HNRNPA3: variants seen among roughly 807,000 people sequenced by gnomAD.
HNRNPA3 encodes heterogeneous nuclear ribonucleoprotein A3, also known as epididymis secretory sperm binding protein.
A neutral mutation model predicts 45.8 loss-of-function variants in HNRNPA3; 3 were observed. The observed-to-expected ratio is 0.07, with a 90% CI of 0.03 to 0.17. The LOEUF is 0.17. Ranked by LOEUF, HNRNPA3 falls within the 10% of genes least tolerant of loss-of-function variation. The pLI, the probability that HNRNPA3 is intolerant of heterozygous loss-of-function variation, is 1.00. For missense variants in HNRNPA3, 183 were observed against 480.3 expected, an observed-to-expected ratio of 0.38 and a Z score of 5.79; for synonymous variants, 170 against 155.6, an observed-to-expected ratio of 1.09 and a Z score of -0.69.
downstream of HNRNPA3, chr2:177,220,430 T>C (rs1438111062): frequency 1.9e-5 from 3 of 154,614 alleles, no homozygotes; most frequent in African/African-American, 7.2e-5. Context: ...TTTTTTCTTA[T>C]TTAAAGCACA....
chr2:177,223,726 T>C (rs1689286495), downstream of HNRNPA3: 1 of 152,236 alleles, frequency 6.6e-6, no homozygotes, highest in Non-Finnish European at 1.5e-5. Flanking sequence ...AAAATTACTT[T>C]AAAACTTAAG....
Position 177,215,745 on chromosome 2 carries a change from T to G in HNRNPA3, c.196-5T>G. ...TTCAACGTTATAAAACTTTTTATTT[T>G]GTAGGTAATGAGAGACCCCCAAACA... is the stretch of plus-strand genomic sequence containing the variant. On this transcript the variant is annotated splice_polypyrimidine_tract_variant and splice_region_variant and intron_variant, in intron 2 of 10. Coordinates refer to ENST00000392524, the Ensembl canonical transcript of HNRNPA3. 1 of 1,610,842 alleles carries G rather than the reference T, an allele frequency of 6.2e-7. No individual in the cohort carries two copies. The highest frequency in any genetic ancestry group is 8.5e-7 in the Non-Finnish European group (1 of 1,179,024).
chr2:177,222,790 G>A (rs1432911357), downstream of HNRNPA3: 1 of 152,600 alleles, frequency 6.6e-6, no homozygotes, highest in Admixed American at 6.6e-5. Context: ...AAGAAGAAAA[G>A]TTACCAGATG....
At position 177,212,888 on chromosome 2, in the gene HNRNPA3, G is replaced by C; in HGVS notation, c.72+17G>C. Reference sequence around the variant, plus strand: ...GGGGAGGAGGTATTAGGGGGAGAGCGGGGGGTTGGTGGGGAATGGCCGGCG... The same window carrying C: ...GGGGAGGAGGTATTAGGGGGAGAGCCGGGGGTTGGTGGGGAATGGCCGGCG... On this transcript the variant is annotated intron_variant, in intron 1 of 10. Transcript: ENST00000392524. 7.0e-7 allele frequency: 1 copy of C among 1,435,766 alleles called. No homozygotes were observed. Among genetic ancestry groups the C allele is most frequent in the Admixed American group, 2.2e-5 (1 of 44,836 alleles). 88.9% of individuals were successfully genotyped at this position (1,435,766 alleles called of 1,614,324 possible). A position where few individuals can be genotyped will look rare whatever the true frequency, so the allele number is the denominator to read the frequency against.
chr2:177,221,781 A>C (rs1574248691), downstream of HNRNPA3: 2 of 152,716 alleles, frequency 1.3e-5, no homozygotes, highest in East Asian at 3.8e-4. Flanking sequence ...TCAACTACAG[A>C]GAAGTGAAGG....
downstream of HNRNPA3, chr2:177,223,008 A>C (rs563098746): frequency 6.5e-6 from 1 of 152,784 alleles, no homozygotes; most frequent in Non-Finnish European, 1.5e-5. Flanking sequence ...TTGATGGGTA[A>C]TAAGGGCTGT....
At chr2:177,220,425 T>A (rs1689138206), downstream of HNRNPA3, 1 of 154,582 alleles carries the variant, frequency 6.5e-6, no homozygotes, top group African/African-American at 2.4e-5. Flanking sequence ...ACCTTTTTTT[T>A]CTTATTTAAA....
At chr2:177,216,448 T>C in intron 4 of HNRNPA3, 55 bp from the exon 5 acceptor site, 1 of 1,313,764 alleles carries the variant, frequency 7.6e-7, no homozygotes, top group Non-Finnish European at 1.1e-6. Flanking sequence ...CTCATATATG[T>C]GCTTTTCCAA....
rs13393220 is a variant in HNRNPA3 at position 177,216,761 on chromosome 2, T to C, written c.729T>C (p.Phe243=). ...GTAATTTTGGCCGTGGTGGAAACTTTGGTGGAAGAGGTAGGCTGTTTATCT... is the reference window on the plus strand; with the variant it reads ...GTAATTTTGGCCGTGGTGGAAACTTCGGTGGAAGAGGTAGGCTGTTTATCT... The change falls in exon 6 of 11, where the codon TTT becomes TTC. Residue 243 remains phenylalanine (F), a synonymous_variant. Coordinates refer to ENST00000392524, the Ensembl canonical transcript of HNRNPA3. The C allele has an allele frequency of 6.8e-4, 1,098 of 1,614,182 alleles. 7 individuals are homozygous for C. The African/African-American group carries it at 0.012, about 18-fold the overall frequency.
intron 3 of HNRNPA3, 21 bp from the exon 4 acceptor site, chr2:177,215,956 TA>T: frequency 6.3e-7 from 1 of 1,598,344 alleles, no homozygotes. Context: ...TTTCTTGACT[TA>T]ATATATTACT....
chr2:177,223,432 CAGATTTA>C (rs1370480450), downstream of HNRNPA3: 4 of 151,898 alleles, frequency 2.6e-5, no homozygotes, highest in Non-Finnish European at 5.9e-5. Context: ...GTGATTGGGG[CAGATTTA>C]ACTGATTTTG....
Position 177,217,626 on chromosome 2 carries a change from CTT to C in HNRNPA3, c.821-78_821-77del. The C allele has an allele frequency of 2.6e-6, 4 of 1,566,712 alleles. No individual in the cohort carries two copies. The South Asian group carries it at 4.4e-5, about 17-fold the overall frequency. The stretch of plus-strand genomic sequence containing the variant: ...CGGGCAACAGAGCAAGACCCAGTCT[CTT>C]ACACACACACCAGAATTGAATAACG... On this transcript the variant is annotated intron_variant, in intron 7 of 10. Coordinates refer to ENST00000392524, the Ensembl canonical transcript of HNRNPA3.
chr2:177,216,972 T>C lies in HNRNPA3; in HGVS notation c.820+32T>C, dbSNP rs745941963. The C allele has an allele frequency of 2.8e-6, 4 of 1,452,556 alleles. No individual in the cohort carries two copies. The South Asian group carries it at 5.3e-5, about 19-fold the overall frequency. 90.0% of individuals were successfully genotyped at this position (1,452,556 alleles called of 1,614,324 possible). On this transcript the variant is annotated intron_variant, in intron 7 of 10. Transcript: ENST00000392524. ...GGCTTATTTTCATTGATGTTTGATATTTTAACTTTCTTTACTTATTGAAAA... is the reference window on the plus strand; with the variant it reads ...GGCTTATTTTCATTGATGTTTGATACTTTAACTTTCTTTACTTATTGAAAA...
At chr2:177,218,953 C>T in intron 8 of HNRNPA3, 84 bp from the exon 9 acceptor site, 6 of 1,525,828 alleles carry the variant, frequency 3.9e-6, no homozygotes, top group Non-Finnish European at 5.4e-6. Context: ...TACCATAATT[C>T]TCAAAAGATA....
chr2:177,222,921 C>G (rs1018157177), downstream of HNRNPA3: 2 of 152,568 alleles, frequency 1.3e-5, no homozygotes, highest in Non-Finnish European at 2.9e-5. Flanking sequence ...ATCTGTTAAG[C>G]AGTGGGGGCC....
downstream of HNRNPA3, chr2:177,223,396 G>T (rs1434081575): frequency 1.3e-5 from 2 of 149,258 alleles, no homozygotes; most frequent in African/African-American, 2.5e-5. Flanking sequence ...TGTAGCAGCA[G>T]TAAAAAAAAA....
At chr2:177,217,750 ATGG>A in exon 8 of HNRNPA3, 1 of 1,613,180 alleles carries the variant, frequency 6.2e-7, no homozygotes, top group Non-Finnish European at 8.5e-7. Flanking sequence ...AGAGGGGGCT[ATGG>A]TGGTGGTGGA....
At chr2:177,216,641 A>G (rs1688950618) in intron 5 of HNRNPA3, 35 bp from the exon 6 acceptor site, 1 of 1,613,116 alleles carries the variant, frequency 6.2e-7, no homozygotes, top group Non-Finnish European at 8.5e-7. Flanking sequence ...TGGTGTTTGT[A>G]AGGTTCTTAA....
chr2:177,219,247 G>A lies in HNRNPA3; in HGVS notation c.1085G>A (p.Gly362Asp), dbSNP rs1004620613. 1.9e-6 allele frequency: 3 copies of A among 1,613,510 alleles called. No individual in the cohort carries two copies. In the African/African-American group the frequency reaches 4.0e-5, roughly 22 times the overall value. Reference sequence around the variant, plus strand: ...TTTAAAATACTATGTATATTTTCAGGTGGTTATGGATCTGGTGGTGGAAGT... The same window carrying A: ...TTTAAAATACTATGTATATTTTCAGATGGTTATGGATCTGGTGGTGGAAGT... The change falls in exon 10 of 11, where the codon GGT becomes GAT. Residue 362 changes from glycine to aspartate, a missense_variant and splice_region_variant. Around this residue, in one of 2 missense-constraint regions of HNRNPA3, gnomAD observed 123 missense variants for 228.8 expected, o/e 0.54. Coordinates refer to ENST00000392524, the Ensembl canonical transcript of HNRNPA3.
Sources: allele counts gnomAD v4.1 joint callset, GRCh38; gene constraint gnomAD v4.1.1; regional missense constraint gnomAD v4.1.1; transcripts MANE v1.5; gene names NCBI Gene and HGNC (gene_info 2026-07-23, HGNC 2026-07-21).